Variants in PAIP2B observed in about 807,000 individuals in gnomAD.
PAIP2B encodes the protein poly(A) binding protein interacting protein 2B.
In PAIP2B, 13 loss-of-function variants were observed where a neutral mutation model predicts 17.0. The ratio of observed to expected loss-of-function variants is 0.76; its 90% CI spans 0.50 to 1.22. The LOEUF (loss-of-function observed/expected upper bound fraction) is 1.22, where lower values mean the gene tolerates loss of function less well. Among genes scored for constraint, PAIP2B ranks in the 50% most tolerant of loss-of-function variants. The pLI is 0.00. For synonymous variants in PAIP2B, 43 were observed against 48.7 expected, an observed-to-expected ratio of 0.88 and a Z score of 0.48; for missense variants, 117 against 144.5, an observed-to-expected ratio of 0.81 and a Z score of 0.98.
At chr2:71,209,652 G>A (rs1675239942) in intron 1 of PAIP2B, among the ~76,000 whole-genome samples, 2 of 152,122 alleles carry the variant, frequency 1.3e-5, no homozygotes, top group African/African-American at 2.4e-5. Context: ...AAGTTGGCCT[G>A]CCCAGACAGC....
At chr2:71,206,353 C>T (rs1445860965) in intron 1 of PAIP2B, among the ~76,000 whole-genome samples, 1 of 152,162 alleles carries the variant, frequency 6.6e-6, no homozygotes, top group African/African-American at 2.4e-5. Context: ...ACTTATTTCC[C>T]CTTCACCCCA....
rs567051388 is a variant in PAIP2B at position 71,207,894 on chromosome 2, A to G, written c.-11-5294T>C. Among the ~76,000 whole-genome samples, 7 of 152,292 alleles carry G rather than the reference A, an allele frequency of 4.6e-5. No homozygotes were observed. In the East Asian group the frequency reaches 1.4e-3, roughly 29 times the overall value. ...GGGGGTAAAAAAGGTGATGAGTTCT[A>G]TTTTGGACATGTTAAATTTGCAATG... On this transcript the variant is annotated intron_variant, in intron 1 of 3. Coordinates refer to ENST00000244221, the MANE Select transcript of PAIP2B (RefSeq NM_020459.1).
At chr2:71,222,230 T>C (rs1358447964) in intron 1 of PAIP2B, among the ~76,000 whole-genome samples, 5 of 152,186 alleles carry the variant, frequency 3.3e-5, no homozygotes, top group Non-Finnish European at 4.4e-5. Context: ...GACTGTGGCA[T>C]ACACAAAAAA....
chr2:71,209,337 G>C (rs1174352109), intron 1 of PAIP2B, among the ~76,000 whole-genome samples: 1 of 152,198 alleles, frequency 6.6e-6, no homozygotes, highest in Admixed American at 6.5e-5. Context: ...TTCATAGAAA[G>C]GGTCTAGTGG....
chr2:71,201,937 G>C (rs974467543), intron 2 of PAIP2B, among the ~76,000 whole-genome samples: 4 of 152,136 alleles, frequency 2.6e-5, no homozygotes, highest in African/African-American at 9.7e-5. Flanking sequence ...TTGGTACAAG[G>C]GTTTTATGTC....
chr2:71,221,961 C>T (rs1370658947), intron 1 of PAIP2B, among the ~76,000 whole-genome samples: 2 of 152,218 alleles, frequency 1.3e-5, no homozygotes, highest in Non-Finnish European at 2.9e-5. Flanking sequence ...AGAAACGGAA[C>T]ATGGGAGGGG....
At chr2:71,190,116 T>A in intron 2 of PAIP2B, 95 bp from the exon 3 acceptor site, 1 of 1,233,300 alleles carries the variant, frequency 8.1e-7, no homozygotes, top group South Asian at 1.6e-5. Flanking sequence ...AAGGTATTAC[T>A]CTGCAATTAA....
In PAIP2B at chr2:71,215,213, C is replaced by A. The variant is rs572472101; in HGVS notation, c.-12+11715G>T. 6.4e-4 allele frequency among the ~76,000 whole-genome samples: 98 copies of A among 152,104 alleles called. 1 individual carries two copies. Among genetic ancestry groups the A allele is most frequent in the African/African-American group, 2.2e-3 (93 of 41,474 alleles). ...CAGTCCAGGAGCCTATATAAAATTA[C>A]CTGGGAAAGTTATTAAAAAATGCAG... On this transcript the variant is annotated intron_variant, in intron 1 of 3. Coordinates refer to ENST00000244221, the MANE Select transcript of PAIP2B (RefSeq NM_020459.1).
chr2:71,218,580 A>T (rs1215932036), intron 1 of PAIP2B, among the ~76,000 whole-genome samples: 2 of 152,114 alleles, frequency 1.3e-5, no homozygotes, highest in Admixed American at 6.5e-5. Context: ...TAATTTGAAA[A>T]TTTCTATTAA....
chr2:71,188,392 C>T lies in PAIP2B; in HGVS notation c.*87G>A. 8.1e-7 allele frequency: 1 copy of T among 1,231,798 alleles called. No homozygotes were observed. Among genetic ancestry groups the T allele is most frequent in the Non-Finnish European group, 1.2e-6 (1 of 859,364 alleles). The allele number at this position is 1,231,798 out of a possible 1,614,324, so 76.3% of individuals were successfully genotyped here. On this transcript the variant is annotated 3_prime_UTR_variant, in exon 4 of 4. Transcript: ENST00000244221. The stretch of plus-strand genomic sequence containing the variant: ...CTTCCCGCTGTGCACCCCTCGCCCG[C>T]CCCATCCCCCTCTTCAGCTCCACCA...
intron 2 of PAIP2B, among the ~76,000 whole-genome samples, chr2:71,190,529 T>C (rs1040291120): frequency 7.2e-5 from 11 of 152,206 alleles, no homozygotes; most frequent in African/African-American, 2.4e-4. Flanking sequence ...GATAGCATAA[T>C]TTTTATTTTT....
At chr2:71,212,194 G>A (rs1675318764) in intron 1 of PAIP2B, among the ~76,000 whole-genome samples, 1 of 152,136 alleles carries the variant, frequency 6.6e-6, no homozygotes, top group South Asian at 2.1e-4. Context: ...TTTTTTAAAT[G>A]CATAATTATA....
At chr2:71,208,173 C>T (rs1675188040) in intron 1 of PAIP2B, among the ~76,000 whole-genome samples, 2 of 152,072 alleles carry the variant, frequency 1.3e-5, no homozygotes, top group Admixed American at 6.5e-5. Flanking sequence ...CCTGTAATCC[C>T]AACACTTTGG....
chr2:71,202,663 A>G (rs748089378), intron 1 of PAIP2B, 63 bp from the exon 2 acceptor site: 166 of 1,373,200 alleles, frequency 1.2e-4, no homozygotes, highest in Admixed American at 1.7e-4. Flanking sequence ...AGAGACCTAA[A>G]ACATGCAGAT....
At chr2:71,215,259 C>T (rs1675398130) in intron 1 of PAIP2B, among the ~76,000 whole-genome samples, 1 of 152,024 alleles carries the variant, frequency 6.6e-6, no homozygotes, top group Admixed American at 6.5e-5. Context: ...GATCGTGCCA[C>T]CGTACTCCAG....
chr2:71,223,269 T>A (rs924603496), intron 1 of PAIP2B, among the ~76,000 whole-genome samples: 2 of 151,870 alleles, frequency 1.3e-5, no homozygotes, highest in Non-Finnish European at 2.9e-5. Context: ...AAAAATTCGT[T>A]GGGTGTGGTG....
chr2:71,219,198 G>A (rs1675515193), intron 1 of PAIP2B, among the ~76,000 whole-genome samples: 1 of 150,800 alleles, frequency 6.6e-6, no homozygotes, highest in Admixed American at 6.6e-5. Context: ...CCAAAGTGCT[G>A]GGATTACAGG....
At chr2:71,189,779 A>G in intron 3 of PAIP2B, 66 bp downstream of exon 3, 1 of 1,420,606 alleles carries the variant, frequency 7.0e-7, no homozygotes. Context: ...CTGGAAAGAA[A>G]GTCTGTCATT....
At chr2:71,200,735 G>A (rs1674958423) in intron 2 of PAIP2B, among the ~76,000 whole-genome samples, 1 of 152,106 alleles carries the variant, frequency 6.6e-6, no homozygotes, top group Non-Finnish European at 1.5e-5. Flanking sequence ...CTGGGTTACA[G>A]AGTGAGACTC....
Sources: allele counts gnomAD v4.1 joint callset (sites outside exome capture counted in the v4.1 genomes callset), GRCh38; gene constraint gnomAD v4.1.1; transcripts MANE v1.5; gene names NCBI Gene and HGNC (gene_info 2026-07-23, HGNC 2026-07-21).